MAD1L1: variants seen among roughly 807,000 people sequenced by gnomAD.
The protein encoded by MAD1L1 is mitotic arrest deficient 1 like 1.
Under a neutral mutation model 96.9 loss-of-function variants are expected in MAD1L1, and 95 were observed. The ratio of observed to expected loss-of-function variants is 0.98; its 90% CI spans 0.83 to 1.16. The LOEUF is 1.16. Ranked by LOEUF, MAD1L1 falls within the 50% of genes most tolerant of loss-of-function variation. The pLI, the probability that MAD1L1 is intolerant of heterozygous loss-of-function variation, is 0.00. For synonymous variants in MAD1L1, 473 were observed against 396.6 expected, an observed-to-expected ratio of 1.19 and a Z score of -2.29; for missense variants, 1,007 against 954.4, an observed-to-expected ratio of 1.06 and a Z score of -0.73.
chr7:2,033,416 G>C (rs1477404077), intron 12 of MAD1L1, among the ~76,000 whole-genome samples: 1 of 152,250 alleles, frequency 6.6e-6, no homozygotes, highest in Admixed American at 6.5e-5. Context: ...AGGAATGACA[G>C]AGAAAGACCA....
intron 17 of MAD1L1, among the ~76,000 whole-genome samples, chr7:1,912,785 C>T (rs866386821): frequency 3.9e-5 from 6 of 152,222 alleles, no homozygotes; most frequent in South Asian, 4.1e-4. Context: ...CGAGTCAAGA[C>T]GTGACCACAG....
intron 12 of MAD1L1, among the ~76,000 whole-genome samples, chr7:2,017,669 C>G (rs966886463): frequency 6.6e-6 from 1 of 152,282 alleles, no homozygotes; most frequent in East Asian, 1.9e-4. Context: ...AGGACCCTTG[C>G]GAAAGAGCAA....
intron 18 of MAD1L1, among the ~76,000 whole-genome samples, chr7:1,852,299 G>T (rs1224347497): frequency 1.3e-5 from 2 of 152,250 alleles, no homozygotes; most frequent in Non-Finnish European, 2.9e-5. Flanking sequence ...CTGCAGCGTA[G>T]CACTAGGCTG....
chr7:2,197,363 A>G (rs1488391539), intron 10 of MAD1L1, among the ~76,000 whole-genome samples: 2 of 152,174 alleles, frequency 1.3e-5, no homozygotes, highest in Non-Finnish European at 2.9e-5. Flanking sequence ...CCCAGCACCC[A>G]GCACCAGGCC....
intron 18 of MAD1L1, among the ~76,000 whole-genome samples, chr7:1,870,418 A>C (rs1784998536): frequency 7.4e-6 from 1 of 134,856 alleles, no homozygotes; most frequent in African/African-American, 2.8e-5. Context: ...GCTGAACCCA[A>C]CATACTCCTG....
At chr7:1,975,869 G>C (rs1035389021) in intron 15 of MAD1L1, among the ~76,000 whole-genome samples, 3 of 152,184 alleles carry the variant, frequency 2.0e-5, no homozygotes, top group South Asian at 2.1e-4. Context: ...AGTGTGACTA[G>C]CAGGCACTGG....
intron 12 of MAD1L1, among the ~76,000 whole-genome samples, chr7:2,044,880 G>A (rs1421000735): frequency 1.3e-5 from 2 of 151,974 alleles, no homozygotes; most frequent in African/African-American, 2.4e-5. Flanking sequence ...GGGAGCCCAG[G>A]GGAGGCAACA....
chr7:2,210,470 GACCGCCAGCCCGC>G (rs1792869783), intron 10 of MAD1L1, among the ~76,000 whole-genome samples: 1 of 124,944 alleles, frequency 8.0e-6, no homozygotes, highest in East Asian at 2.5e-4. Flanking sequence ...CCGTATTCGG[GACCGCCAGCCCGC>G]ATTCCCGTGG....
intron 18 of MAD1L1, among the ~76,000 whole-genome samples, chr7:1,827,280 T>G (rs13225346): frequency 6.6e-6 from 1 of 151,876 alleles, no homozygotes; most frequent in African/African-American, 2.4e-5. Context: ...CAGAACACAA[T>G]GAAGGTTAAG....
chr7:1,827,677 G>T lies in MAD1L1; in HGVS notation c.1999-11449C>A, dbSNP rs7811254. Among the ~76,000 whole-genome samples the T allele has an allele frequency of 8.1e-4, 69 of 85,306 alleles. 2 individuals are homozygous for T. The highest frequency in any genetic ancestry group is 2.6e-3 in the African/African-American group (48 of 18,386). 56.0% of individuals were successfully genotyped at this position (85,306 alleles called of 152,430 possible). A position where few individuals can be genotyped will look rare whatever the true frequency, so the allele number is the denominator to read the frequency against. ...TCCTGAGCCCGGCCCGGGTGTGGGG[G>T]CCTCCCCTCCTGAGCCCGTCCCGGG... On this transcript the variant is annotated intron_variant, in intron 18 of 18. Coordinates refer to ENST00000265854, the MANE Select transcript of MAD1L1 (RefSeq NM_001013836.2).
Position 1,966,160 on chromosome 7 carries a change from T to C in MAD1L1, c.1506-8441A>G, listed in dbSNP as rs1780157669. 2.0e-5 allele frequency among the ~76,000 whole-genome samples: 3 copies of C among 152,224 alleles called. No individual in the cohort carries two copies. The South Asian group carries it at 6.2e-4, about 32-fold the overall frequency. ...GCTGCCAAGGCTTCACAACCTGAAC[T>C]GGGATGGGAACCGCGCCCCACAGAA... On this transcript the variant is annotated intron_variant, in intron 15 of 18. Transcript: ENST00000265854.
At chr7:1,892,195 C>T (rs1786586644) in intron 18 of MAD1L1, among the ~76,000 whole-genome samples, 1 of 152,234 alleles carries the variant, frequency 6.6e-6, no homozygotes, top group Non-Finnish European at 1.5e-5. Context: ...CAGTCACGCA[C>T]TGCACACTTT....
intron 18 of MAD1L1, among the ~76,000 whole-genome samples, chr7:1,831,627 A>G (rs949597359): frequency 2.6e-5 from 4 of 152,240 alleles, no homozygotes; most frequent in African/African-American, 9.6e-5. Context: ...TAGCCTGCAA[A>G]GGAGAAGTTC....
intron 18 of MAD1L1, chr7:1,897,979 A>G: frequency 1.7e-6 from 1 of 593,804 alleles, no homozygotes; most frequent in Non-Finnish European, 3.0e-6. Flanking sequence ...GGTCTTCTGC[A>G]CCCAGGAGGT....
intron 4 of MAD1L1, among the ~76,000 whole-genome samples, chr7:2,223,188 CA>C (rs1343751539): frequency 2.0e-5 from 3 of 152,214 alleles, no homozygotes; most frequent in South Asian, 2.1e-4. Context: ...GAGCAGACAA[CA>C]GGGGCAGAGA....
chr7:2,070,446 C>T (rs767875667), intron 11 of MAD1L1, among the ~76,000 whole-genome samples: 5 of 152,048 alleles, frequency 3.3e-5, no homozygotes, highest in Non-Finnish European at 7.4e-5. Flanking sequence ...GATGAGAGGC[C>T]GCCCGAGAGG....
At chr7:2,113,055 C>A (rs1787463515) in intron 11 of MAD1L1, among the ~76,000 whole-genome samples, 1 of 144,838 alleles carries the variant, frequency 6.9e-6, no homozygotes, top group African/African-American at 2.5e-5. Flanking sequence ...AGGGGCAGAG[C>A]CTCCCTCAGC....
At chr7:2,000,582 T>C (rs915641564) in intron 14 of MAD1L1, among the ~76,000 whole-genome samples, 2 of 152,128 alleles carry the variant, frequency 1.3e-5, no homozygotes, top group Non-Finnish European at 2.9e-5. Flanking sequence ...CTCAGGACGC[T>C]CTGCAGAGCG....
intron 18 of MAD1L1, among the ~76,000 whole-genome samples, chr7:1,855,055 C>T (rs555050147): frequency 3.9e-4 from 59 of 152,326 alleles, no homozygotes; most frequent in African/African-American, 1.4e-3. Context: ...AAGGCATCGG[C>T]GGCTGGGAGT....
Sources: gnomAD v4.1 joint callset for allele counts (sites outside exome capture counted in the v4.1 genomes callset) on GRCh38, gnomAD v4.1.1 for gene constraint, MANE v1.5 for transcripts, NCBI Gene and HGNC (gene_info 2026-07-23, HGNC 2026-07-21) for gene names.